The following PPM1B variants were observed in gnomAD, a reference collection of about 807,000 sequenced individuals.
The protein encoded by PPM1B is protein phosphatase, Mg2+/Mn2+ dependent 1B, also known as protein phosphatase 1B.
Under a neutral mutation model 43.0 loss-of-function variants are expected in PPM1B, and 22 were observed. The ratio of observed to expected loss-of-function variants is 0.51; its 90% CI spans 0.37 to 0.73. The LOEUF (loss-of-function observed/expected upper bound fraction) is 0.73, where lower values mean the gene tolerates loss of function less well. Ranked by LOEUF, PPM1B falls within the 30% of genes least tolerant of loss-of-function variation. PPM1B has a pLI of 0.00. For missense variants in PPM1B, 632 were observed against 584.2 expected (o/e 1.08, Z -0.84); for synonymous variants, 217 against 197.9 (o/e 1.10, Z -0.81).
At chr2:44,210,610 T>C (rs1351949949) in intron 3 of PPM1B, among the ~76,000 whole-genome samples, 1 of 152,164 alleles carries the variant, frequency 6.6e-6, no homozygotes, top group Non-Finnish European at 1.5e-5. Context: ...CTTATTTGTT[T>C]ATGTAATACC....
In PPM1B at chr2:44,209,322, T is replaced by G; in HGVS notation, c.959T>G (p.Val320Gly). Residue 320 changes from valine (V) to glycine (G), a missense_variant, in exon 3 of 6, where the codon GTT becomes GGT. Around this residue, in one of 3 missense-constraint regions of PPM1B, gnomAD observed 392 missense variants for 302.7 expected, o/e 1.29. Transcript: ENST00000282412. ...TTGGATAAGCACTTGGAATCACGGG[T>G]TGAAGGTAAGACAAATGCTTTTTAA... is the stretch of plus-strand genomic sequence containing the variant. ...SELDKHLESR[V>G]EEIMEKSGEE... is the part of the protein sequence containing the mutation. 6.2e-7 allele frequency: 1 copy of G among 1,613,906 alleles called. No homozygotes were observed. Among genetic ancestry groups the G allele is most frequent in the Non-Finnish European group, 8.5e-7 (1 of 1,179,944 alleles).
downstream of PPM1B, among the ~76,000 whole-genome samples, chr2:44,239,343 G>C (rs527282287): frequency 6.6e-6 from 1 of 152,024 alleles, no homozygotes; most frequent in African/African-American, 2.4e-5. Context: ...TTTTTCCATT[G>C]GGTTTGTCTT....
chr2:44,231,525 A>G (rs1670468916), downstream of PPM1B: 6 of 851,446 alleles, frequency 7.0e-6, no homozygotes, highest in African/African-American at 1.8e-5. Context: ...CAAGTTTGGT[A>G]TATTGGAAGA....
chr2:44,227,577 G>A (rs978620624), intron 5 of PPM1B, among the ~76,000 whole-genome samples: 26 of 150,220 alleles, frequency 1.7e-4, no homozygotes, highest in African/African-American at 6.1e-4. Flanking sequence ...GAGTGCAGTG[G>A]GTGTGATCTT....
intron 1 of PPM1B, among the ~76,000 whole-genome samples, chr2:44,179,346 A>G (rs1667746072): frequency 6.6e-6 from 1 of 152,244 alleles, no homozygotes; most frequent in South Asian, 2.1e-4. Flanking sequence ...TTTAAAATCC[A>G]TTGTGTATTT....
Position 44,230,587 on chromosome 2 carries a change from A to G in PPM1B, c.1309A>G (p.Thr437Ala). 6.2e-7 allele frequency: 1 copy of G among 1,614,210 alleles called. No homozygotes were observed. The highest frequency in any genetic ancestry group is 1.1e-5 in the South Asian group (1 of 91,092). Residue 437 changes from threonine (T) to alanine (A), a missense_variant, in exon 6 of 6, where the codon ACT becomes GCT. Coordinates refer to ENST00000282412, the MANE Select transcript of PPM1B (RefSeq NM_002706.6). The stretch of plus-strand genomic sequence containing the variant: ...CCCTGCTGAACCAGCTGCCACAGCT[A>G]CTTCTTCGAACAGTGATGCTGGAAA... The part of the protein sequence containing the change: ...ESPAEPAATA[T>A]SSNSDAGNPV...
At chr2:44,169,674 T>G (rs1290567052) in intron 1 of PPM1B, among the ~76,000 whole-genome samples, 2 of 152,246 alleles carry the variant, frequency 1.3e-5, no homozygotes, top group African/African-American at 4.8e-5. Flanking sequence ...AAACACTATC[T>G]TTTACCATTC....
chr2:44,171,693 G>C (rs1206367843), intron 1 of PPM1B, among the ~76,000 whole-genome samples: 1 of 152,064 alleles, frequency 6.6e-6, no homozygotes, highest in Admixed American at 6.6e-5. Flanking sequence ...AGCCAGGTGC[G>C]GTGGCGCGTG....
chr2:44,201,349 G>C lies in PPM1B; in HGVS notation c.150G>C (p.Leu50Phe), dbSNP rs78984023. 1 of 1,614,002 alleles carries C rather than the reference G, an allele frequency of 6.2e-7. No individual in the cohort carries two copies. Among genetic ancestry groups the C allele is most frequent in the Non-Finnish European group, 8.5e-7 (1 of 1,180,018 alleles). Residue 50 changes from leucine (L) to phenylalanine (F), a missense_variant, in exon 2 of 6, where the codon TTG (leucine) becomes TTC (phenylalanine). This residue lies in a region of PPM1B where 200 missense variants were observed against 200.7 expected (regional missense o/e 1.00). Transcript: ENST00000282412. This position sits in a 1 kb window ranked among gnomAD's most constrained non-coding sequence, Gnocchi z 5.4. ...HTAVVGIPHGLEDWSFFAVYD... is the reference protein window; with the variant it reads ...HTAVVGIPHGFEDWSFFAVYD... ...CTGTTGTAGGTATTCCTCACGGCTTGGAAGACTGGTCATTTTTTGCAGTTT... is the reference window on the plus strand; with the variant it reads ...CTGTTGTAGGTATTCCTCACGGCTTCGAAGACTGGTCATTTTTTGCAGTTT...
chr2:44,202,260 T>G (rs1008061113), intron 2 of PPM1B, among the ~76,000 whole-genome samples: 3 of 152,232 alleles, frequency 2.0e-5, no homozygotes. Flanking sequence ...ATTTGAGGCA[T>G]TTGTTGTCAT....
intron 1 of PPM1B, among the ~76,000 whole-genome samples, chr2:44,173,249 T>C (rs1242052406): frequency 1.3e-5 from 2 of 152,226 alleles, no homozygotes; most frequent in Admixed American, 6.5e-5. Flanking sequence ...AAATTCTTGA[T>C]GATGTTACAA....
Position 44,230,671 on chromosome 2 carries a change from A to C in PPM1B, c.1393A>C (p.Ser465Arg). 1 of 1,613,746 alleles carries C rather than the reference A, an allele frequency of 6.2e-7. No individual in the cohort carries two copies. Among genetic ancestry groups the C allele is most frequent in the East Asian group, 2.2e-5 (1 of 44,872 alleles). Residue 465 changes from serine (S) to arginine (R), a missense_variant, in exon 6 of 6, where the codon AGC (serine) becomes CGC (arginine). Physicochemically the swap from Ser to Arg is moderately radical, Grantham distance 110. Around this residue, in one of 3 missense-constraint regions of PPM1B, gnomAD observed 392 missense variants for 302.7 expected, o/e 1.29. Transcript: ENST00000282412. The part of the protein sequence containing the change: ...ESESGLAELD[S>R]SNEDAGTKMS... ...AGAAAGTGGTCTTGCTGAATTAGAC[A>C]GCTCTAATGAAGATGCAGGGACAAA... is the stretch of plus-strand genomic sequence containing the variant.
In PPM1B at chr2:44,201,436, C is replaced by G. The variant is rs777757260; in HGVS notation, c.237C>G (p.Ile79Met). 6.2e-7 allele frequency: 1 copy of G among 1,614,158 alleles called. No individual in the cohort carries two copies. Among genetic ancestry groups the G allele is most frequent in the Non-Finnish European group, 8.5e-7 (1 of 1,180,018 alleles). The change falls in exon 2 of 6, where the codon ATC becomes ATG. Residue 79 changes from isoleucine (I) to methionine (M), a missense_variant. Around this residue, in one of 3 missense-constraint regions of PPM1B, gnomAD observed 200 missense variants for 200.7 expected, o/e 1.00. Transcript: ENST00000282412. The surrounding 1 kb of genome is among the most constrained non-coding windows in gnomAD (Gnocchi z 5.4). ...NYCSTHLLEHITTNEDFRAAG... is the reference protein window; with the variant it reads ...NYCSTHLLEHMTTNEDFRAAG... ...GCTCAACACATTTATTAGAACACAT[C>G]ACTACTAACGAAGACTTTAGGGCAG...
chr2:44,242,900 C>T (rs1195218118), intron 5 of PPM1B, among the ~76,000 whole-genome samples: 13 of 152,070 alleles, frequency 8.5e-5, no homozygotes, highest in Admixed American at 7.9e-4. Context: ...TTCCTGAGTT[C>T]GCCATTTGCC....
Position 44,216,312 on chromosome 2 carries a change from G to A in PPM1B, c.965-1655G>A, listed in dbSNP as rs540817864. On this transcript the variant is annotated intron_variant, in intron 3 of 5. Coordinates refer to ENST00000282412, the MANE Select transcript of PPM1B (RefSeq NM_002706.6). Reference sequence around the variant, plus strand: ...GTGCCACTGGCATCTAGTGAATGGAGGCCAGGGATGCTGCTTAATATTCCA... The same window carrying A: ...GTGCCACTGGCATCTAGTGAATGGAAGCCAGGGATGCTGCTTAATATTCCA... 3.8e-4 allele frequency among the ~76,000 whole-genome samples: 58 copies of A among 152,228 alleles called. 1 individual carries two copies. The highest frequency in any genetic ancestry group is 1.4e-3 in the African/African-American group (57 of 41,546).
At chr2:44,218,609 C>T in intron 5 of PPM1B, 72 bp downstream of exon 5, 11 of 1,021,562 alleles carry the variant, frequency 1.1e-5, no homozygotes, top group Non-Finnish European at 1.6e-5. Context: ...AATACATTCA[C>T]ATTAACGAAG....
chr2:44,214,779 G>A (rs966495950), intron 3 of PPM1B, among the ~76,000 whole-genome samples: 3 of 152,322 alleles, frequency 2.0e-5, no homozygotes, highest in African/African-American at 2.4e-5. Context: ...TACAAGGACA[G>A]AGAGGGAGCC....
chr2:44,182,729 C>G (rs930184434), intron 1 of PPM1B, among the ~76,000 whole-genome samples: 21 of 152,074 alleles, frequency 1.4e-4, no homozygotes, highest in African/African-American at 4.6e-4. Context: ...TTCTTTGACT[C>G]TAGGGGCTTT....
intron 1 of PPM1B, among the ~76,000 whole-genome samples, chr2:44,180,818 A>G (rs993531826): frequency 6.6e-6 from 1 of 151,786 alleles, no homozygotes; most frequent in Non-Finnish European, 1.5e-5. Context: ...TTTAGTACCT[A>G]CTAGATGCCA....
Sources: gnomAD v4.1 joint callset for allele counts (sites outside exome capture counted in the v4.1 genomes callset) on GRCh38, gnomAD v4.1.1 for gene constraint, gnomAD v4.1.1 regional missense constraint, Gnocchi (gnomAD v3.1) non-coding constraint, MANE v1.5 for transcripts, NCBI Gene and HGNC (gene_info 2026-07-23, HGNC 2026-07-21) for gene names.